The following GPR149 variants were observed in gnomAD, a reference collection of about 807,000 sequenced individuals.
GPR149 encodes the protein G protein-coupled receptor 149.
A neutral mutation model predicts 50.2 loss-of-function variants in GPR149; 50 were observed. That is an observed-to-expected ratio of 1.00 (90% CI 0.79 to 1.26). The LOEUF (loss-of-function observed/expected upper bound fraction) is 1.26, where lower values mean the gene tolerates loss of function less well. Ranked by LOEUF, GPR149 falls within the 50% of genes most tolerant of loss-of-function variation. The probability of loss-of-function intolerance (pLI) is 0.00; values close to 1 mark genes in which losing one functional copy is unlikely to be tolerated. For synonymous variants in GPR149, 405 were observed against 358.2 expected (o/e 1.13, Z -1.48); for missense variants, 983 against 895.4 (o/e 1.10, Z -1.25).
chr3:154,428,620 C>CGCAGTGTG lies in GPR149; in HGVS notation c.981+14_981+15insCACACTGC. 1 of 1,604,782 alleles carries CGCAGTGTG rather than the reference C, an allele frequency of 6.2e-7. No homozygotes were observed. Among genetic ancestry groups the CGCAGTGTG allele is most frequent in the Non-Finnish European group, 8.5e-7 (1 of 1,175,382 alleles). ...GGCACACACACTCGCGCTTTGTGAGCAACTGCACTTTTACCATCATGGGCA... is the reference window on the plus strand; with the variant it reads ...GGCACACACACTCGCGCTTTGTGAGCGCAGTGTGAACTGCACTTTTACCATCATGGGCA... On this transcript the variant is annotated intron_variant, in intron 1 of 3. Coordinates refer to ENST00000389740, the MANE Select transcript of GPR149 (RefSeq NM_001038705.3).
rs1713694634 is a variant in GPR149, at chr3:154,337,959, G to A, written c.1936C>T (p.Gln646Ter). The change falls in exon 4 of 4, where the codon CAA (glutamine) becomes TAA (stop). Residue 646 changes from glutamine to a stop codon, truncating the protein, a stop_gained. Coordinates refer to ENST00000389740, the MANE Select transcript of GPR149 (RefSeq NM_001038705.3). LOFTEE classifies it high-confidence loss of function. ...TAACGTAGGGATGGAGATCTGACTT[G>A]TGTGGAGGACTGACTGATGTTACTA... ...IISNISQSSTQVRSPSLRYSR... is the reference protein window; with the variant it reads ...IISNISQSST 5.0e-6 allele frequency: 8 copies of A among 1,614,006 alleles called. No individual in the cohort carries two copies. The highest frequency in any genetic ancestry group is 6.8e-6 in the Non-Finnish European group (8 of 1,179,946).
chr3:154,345,559 A>T (rs1380396583), intron 3 of GPR149, among the ~76,000 whole-genome samples: 3 of 152,194 alleles, frequency 2.0e-5, no homozygotes, highest in Non-Finnish European at 4.4e-5. Flanking sequence ...AATAAAGAGC[A>T]GTCTTTAAGC....
intron 3 of GPR149, among the ~76,000 whole-genome samples, chr3:154,392,938 C>A (rs941623267): frequency 6.6e-5 from 10 of 151,970 alleles, no homozygotes; most frequent in Admixed American, 5.9e-4. Flanking sequence ...AAATAGTAAT[C>A]AAAAACTTCC....
Position 154,335,167 on chromosome 3 carries a change from C to G in GPR149, c.*2532G>C, listed in dbSNP as rs2108380292. 1 of 151,822 alleles carries G rather than the reference C, an allele frequency of 6.6e-6. No individual in the cohort carries two copies. Among genetic ancestry groups the G allele is most frequent in the South Asian group, 2.1e-4 (1 of 4,770 alleles). 9.4% of individuals were successfully genotyped at this position (151,822 alleles called of 1,614,324 possible). ...AATAAGTTTTTGCCTTCAGATACATCAATTTATAGAGAAAAGAGAAAACTA... is the reference window on the plus strand; with the variant it reads ...AATAAGTTTTTGCCTTCAGATACATGAATTTATAGAGAAAAGAGAAAACTA... On this transcript the variant is annotated 3_prime_UTR_variant, in exon 4 of 4. Coordinates refer to ENST00000389740, the MANE Select transcript of GPR149 (RefSeq NM_001038705.3).
chr3:154,357,174 A>G (rs1714255788), intron 3 of GPR149, among the ~76,000 whole-genome samples: 1 of 152,180 alleles, frequency 6.6e-6, no homozygotes, highest in South Asian at 2.1e-4. Flanking sequence ...CTTATACAAA[A>G]ATTAATTCAA....
intron 3 of GPR149, among the ~76,000 whole-genome samples, chr3:154,401,350 C>T (rs1711546714): frequency 1.3e-5 from 2 of 152,158 alleles, no homozygotes; most frequent in South Asian, 2.1e-4. Flanking sequence ...TCTGTGTTTG[C>T]CCAGTAGCAA....
In GPR149 at chr3:154,428,601, C is replaced by A. The variant is rs758914942; in HGVS notation, c.981+34G>T. The stretch of plus-strand genomic sequence containing the variant: ...ACACTCATTTACACTGTCTGGCACA[C>A]ACACTCGCGCTTTGTGAGCAACTGC... On this transcript the variant is annotated intron_variant, in intron 1 of 3. Coordinates refer to ENST00000389740, the MANE Select transcript of GPR149 (RefSeq NM_001038705.3). The A allele has an allele frequency of 1.9e-6, 3 of 1,590,504 alleles. No individual in the cohort carries two copies. In the South Asian group the frequency reaches 3.4e-5, roughly 18 times the overall value.
intron 3 of GPR149, among the ~76,000 whole-genome samples, chr3:154,369,266 T>C (rs757926311): frequency 7.2e-5 from 11 of 152,202 alleles, no homozygotes; most frequent in Admixed American, 2.0e-4. Flanking sequence ...TCTGTACCAC[T>C]GCCTTGCCAC....
intron 3 of GPR149, among the ~76,000 whole-genome samples, chr3:154,363,428 T>G (rs73872829): frequency 0.024 from 3,682 of 152,216 alleles, 161 homozygotes; most frequent in African/African-American, 0.084. Flanking sequence ...AGGGGTGCTC[T>G]CTGCTTCTAA....
intron 3 of GPR149, among the ~76,000 whole-genome samples, chr3:154,381,137 C>T (rs1356306694): frequency 1.3e-5 from 2 of 152,200 alleles, no homozygotes; most frequent in Non-Finnish European, 2.9e-5. Context: ...GGCAGTTAAG[C>T]ATGCCATCAT....
In GPR149 at chr3:154,352,722, A is replaced by G. The variant is rs147855485; in HGVS notation, c.1624-14451T>C. On this transcript the variant is annotated intron_variant, in intron 3 of 3. Transcript: ENST00000389740. ...ATGGTCAGAAAAAATCAACAGCAGC[A>G]TAAGAAACGGAAGTCAGAAACCTGA... 2.2e-3 allele frequency: 1,756 copies of G among 785,878 alleles called. 40 individuals carry two copies. The African/African-American group carries it at 0.027, about 12-fold the overall frequency. The allele number at this position is 785,878 out of a possible 1,614,324, so 48.7% of individuals were successfully genotyped here.
chr3:154,365,447 T>C (rs1714506722), intron 3 of GPR149, among the ~76,000 whole-genome samples: 1 of 152,214 alleles, frequency 6.6e-6, no homozygotes, highest in South Asian at 2.1e-4. Context: ...TCCTTATCAA[T>C]GAGTAGCTTG....
chr3:154,348,044 AT>A (rs1255472091), intron 3 of GPR149, among the ~76,000 whole-genome samples: 3 of 152,224 alleles, frequency 2.0e-5, no homozygotes, highest in Non-Finnish European at 4.4e-5. Flanking sequence ...TAAAGATTAA[AT>A]GAGTTAATGC....
At chr3:154,339,983 G>C (rs181430469) in intron 3 of GPR149, among the ~76,000 whole-genome samples, 1 of 151,444 alleles carries the variant, frequency 6.6e-6, no homozygotes, top group South Asian at 2.1e-4. Flanking sequence ...TATTAGAGAC[G>C]GGGTTTCACT....
intron 3 of GPR149, among the ~76,000 whole-genome samples, chr3:154,357,667 T>C (rs916980859): frequency 2.0e-5 from 3 of 152,054 alleles, no homozygotes; most frequent in African/African-American, 7.2e-5. Context: ...TGTGGAGAAA[T>C]AGGAACACTT....
chr3:154,359,809 C>T (rs1437576129), intron 3 of GPR149, among the ~76,000 whole-genome samples: 7 of 151,938 alleles, frequency 4.6e-5, no homozygotes, highest in Non-Finnish European at 7.4e-5. Flanking sequence ...GATACAAATT[C>T]CTAATCAATG....
At chr3:154,359,536 A>C (rs1714329000) in intron 3 of GPR149, among the ~76,000 whole-genome samples, 1 of 152,160 alleles carries the variant, frequency 6.6e-6, no homozygotes, top group South Asian at 2.1e-4. Flanking sequence ...TCCACCCCAG[A>C]TGCTTGGCTA....
chr3:154,428,599 C>T (rs748834832), intron 1 of GPR149, 36 bp downstream of exon 1: 35 of 1,589,054 alleles, frequency 2.2e-5, no homozygotes, highest in Non-Finnish European at 2.9e-5. Context: ...CTGTCTGGCA[C>T]ACACACTCGC....
intron 3 of GPR149, among the ~76,000 whole-genome samples, chr3:154,386,178 C>T (rs1715041301): frequency 6.6e-6 from 1 of 152,128 alleles, no homozygotes; most frequent in Admixed American, 6.5e-5. Flanking sequence ...TTTTCATCCT[C>T]CTTTTTAGTT....
Sources: allele counts gnomAD v4.1 joint callset (sites outside exome capture counted in the v4.1 genomes callset), GRCh38; gene constraint gnomAD v4.1.1; transcripts MANE v1.5; gene names NCBI Gene and HGNC (gene_info 2026-07-23, HGNC 2026-07-21).